The following GRID2 variants were observed in gnomAD, a reference collection of about 807,000 sequenced individuals.
GRID2 encodes the protein glutamate receptor ionotropic, delta-2.
In GRID2, 33 loss-of-function variants were observed where a neutral mutation model predicts 114.8. The observed-to-expected ratio is 0.29, with a 90% CI of 0.22 to 0.38. The LOEUF is 0.38. Among genes scored for constraint, GRID2 ranks in the 10% least tolerant of loss-of-function variants. The pLI, the probability that GRID2 is intolerant of heterozygous loss-of-function variation, is 1.00. For synonymous variants in GRID2, 505 were observed against 449.9 expected (o/e 1.12, Z -1.55); for missense variants, 1,184 against 1,257.7 (o/e 0.94, Z 0.89).
intron 13 of GRID2, among the ~76,000 whole-genome samples, chr4:93,563,800 G>C (rs1270186069): frequency 6.6e-6 from 1 of 151,888 alleles, no homozygotes; most frequent in Non-Finnish European, 1.5e-5. Flanking sequence ...AAAAGTTTTT[G>C]TTGGATTCTA....
intron 12 of GRID2, among the ~76,000 whole-genome samples, chr4:93,508,761 T>C (rs1728892613): frequency 6.6e-6 from 1 of 152,184 alleles, no homozygotes; most frequent in Non-Finnish European, 1.5e-5. Flanking sequence ...CAATCTATAT[T>C]CTAGTGAGGT....
chr4:93,139,996 G>A (rs1013861703), intron 4 of GRID2, among the ~76,000 whole-genome samples: 1 of 151,978 alleles, frequency 6.6e-6, no homozygotes, highest in Non-Finnish European at 1.5e-5. Context: ...GCAACATGCC[G>A]TTGCTCTCTA....
intron 1 of GRID2, among the ~76,000 whole-genome samples, chr4:92,332,556 T>A (rs2110146613): frequency 6.6e-6 from 1 of 152,290 alleles, no homozygotes; most frequent in East Asian, 1.9e-4. Context: ...CCCCCAAATC[T>A]TAACCCATTC....
chr4:92,790,145 G>C (rs12651281), intron 2 of GRID2, among the ~76,000 whole-genome samples: 5,029 of 151,674 alleles, frequency 0.033, 140 homozygotes, highest in East Asian at 0.12. Context: ...AGTATATATA[G>C]TTATACATAT....
intron 9 of GRID2, among the ~76,000 whole-genome samples, chr4:93,408,173 A>T (rs2149348610): frequency 6.6e-6 from 1 of 152,244 alleles, no homozygotes; most frequent in Admixed American, 6.5e-5. Flanking sequence ...GTGAAGGAGA[A>T]TTTTTTAACA....
At chr4:92,916,292 C>G (rs1411636749) in intron 2 of GRID2, among the ~76,000 whole-genome samples, 1 of 151,974 alleles carries the variant, frequency 6.6e-6, no homozygotes, top group African/African-American at 2.4e-5. Context: ...ATATGGCTAG[C>G]CAGTTATCCC....
chr4:93,301,436 T>G (rs1207815538), intron 8 of GRID2, among the ~76,000 whole-genome samples: 1 of 152,184 alleles, frequency 6.6e-6, no homozygotes, highest in Non-Finnish European at 1.5e-5. Context: ...CGTTAAAAGT[T>G]AACATGAAGA....
rs1725271952 is a variant in GRID2, at chr4:92,304,450, C to T, written c.-207C>T. 3 of 598,428 alleles carry T rather than the reference C, an allele frequency of 5.0e-6. No homozygotes were observed. The highest frequency in any genetic ancestry group is 2.8e-5 in the East Asian group (1 of 35,360). 37.1% of individuals were successfully genotyped at this position (598,428 alleles called of 1,614,324 possible). A position where few individuals can be genotyped will look rare whatever the true frequency, so the allele number is the denominator to read the frequency against. On this transcript the variant is annotated 5_prime_UTR_variant, in exon 1 of 16. Coordinates refer to ENST00000282020, the MANE Select transcript of GRID2 (RefSeq NM_001510.4). ...TTCCCCTCCAAGTGACACGGCTTTG[C>T]GAAGGAGGTTTCCTCAGGCTGGGCT...
chr4:92,674,980 A>G (rs1032111182), intron 2 of GRID2, among the ~76,000 whole-genome samples: 4 of 151,892 alleles, frequency 2.6e-5, no homozygotes, highest in African/African-American at 4.8e-5. Flanking sequence ...GCTTCTTCAT[A>G]TGTCTAGTAT....
chr4:92,634,718 A>C (rs1465562779), intron 2 of GRID2, among the ~76,000 whole-genome samples: 1 of 151,656 alleles, frequency 6.6e-6, no homozygotes, highest in African/African-American at 2.4e-5. Context: ...TGACAGGGAA[A>C]ATATATTAGA....
At chr4:93,280,166 C>T (rs1002921875) in intron 8 of GRID2, among the ~76,000 whole-genome samples, 1 of 151,836 alleles carries the variant, frequency 6.6e-6, no homozygotes, top group Non-Finnish European at 1.5e-5. Context: ...AGAGAACAAA[C>T]AAAACAATAT....
intron 2 of GRID2, among the ~76,000 whole-genome samples, chr4:93,030,303 T>G (rs1301882153): frequency 6.6e-6 from 1 of 152,164 alleles, no homozygotes; most frequent in African/African-American, 2.4e-5. Flanking sequence ...GTTTCTTTTC[T>G]ACCTACCAAA....
chr4:93,615,728 G>T (rs1292519812), intron 13 of GRID2, among the ~76,000 whole-genome samples: 1 of 145,382 alleles, frequency 6.9e-6, no homozygotes, highest in East Asian at 2.0e-4. Context: ...TATTTTTATT[G>T]TTTCGTAGTA....
intron 8 of GRID2, among the ~76,000 whole-genome samples, chr4:93,262,224 T>C (rs1265679193): frequency 6.6e-6 from 1 of 151,972 alleles, no homozygotes; most frequent in Non-Finnish European, 1.5e-5. Flanking sequence ...TACTTAGGTC[T>C]TATATATTAG....
At chr4:92,677,234 A>G (rs1178762607) in intron 2 of GRID2, among the ~76,000 whole-genome samples, 1 of 152,206 alleles carries the variant, frequency 6.6e-6, no homozygotes, top group Non-Finnish European at 1.5e-5. Flanking sequence ...TAATTCCACA[A>G]TGTTGCACAC....
In GRID2 at chr4:93,803,696, C is replaced by T. The variant is rs537753367; in HGVS notation, c.222-3019C>T. On this transcript the variant is annotated intron_variant, in intron 1 of 1. Coordinates refer to the GRID2 transcript ENST00000637838. ...GAGATTGCCCCAACGCACACCAGCC[C>T]GGGCAACAGTGTGAGACTTCGTCTC... Among the ~76,000 whole-genome samples the T allele has an allele frequency of 5.3e-5, 8 of 151,676 alleles. No individual in the cohort carries two copies. The East Asian group carries it at 5.8e-4, about 11-fold the overall frequency.
At chr4:93,162,437 A>AACAC (rs1290129863) in intron 4 of GRID2, among the ~76,000 whole-genome samples, 1 of 151,962 alleles carries the variant, frequency 6.6e-6, no homozygotes, top group Non-Finnish European at 1.5e-5. Flanking sequence ...AGATTTAAAT[A>AACAC]AGGATAGGCC....
chr4:93,635,143 C>T (rs988198964), intron 14 of GRID2, among the ~76,000 whole-genome samples: 1 of 151,868 alleles, frequency 6.6e-6, no homozygotes, highest in Non-Finnish European at 1.5e-5. Flanking sequence ...TTGTTCTTCT[C>T]TCTCACAATA....
At chr4:92,371,996 G>A in intron 1 of GRID2, among the ~76,000 whole-genome samples, 1 of 152,138 alleles carries the variant, frequency 6.6e-6, no homozygotes, top group East Asian at 1.9e-4. Context: ...TTCAGTGGAG[G>A]CACTCACTAC....
Sources: gnomAD v4.1 joint callset for allele counts (sites outside exome capture counted in the v4.1 genomes callset) on GRCh38, gnomAD v4.1.1 for gene constraint, MANE v1.5 for transcripts, NCBI Gene and HGNC (gene_info 2026-07-23, HGNC 2026-07-21) for gene names.